UTS2B: variants seen among roughly 807,000 people sequenced by gnomAD.
UTS2B encodes urotensin-2B.
UTS2B carries 21 observed loss-of-function variants against 19.2 expected under a neutral mutation model. The ratio of observed to expected loss-of-function variants is 1.09; its 90% CI spans 0.78 to 1.58. UTS2B has a LOEUF of 1.58. Ranked by LOEUF, UTS2B falls within the 40% of genes most tolerant of loss-of-function variation. UTS2B has a pLI of 0.00. For missense variants in UTS2B, 138 were observed against 130.3 expected (o/e 1.06, Z -0.29); for synonymous variants, 57 against 50.2 (o/e 1.14, Z -0.58).
At chr3:191,275,417 A>G in intron 7 of UTS2B, 72 bp from the exon 8 acceptor site, 1 of 1,232,702 alleles carries the variant, frequency 8.1e-7, no homozygotes, top group South Asian at 1.2e-5. Flanking sequence ...GCGGTGGCTT[A>G]TGCCTGTAAT....
rs138789851 is a variant in UTS2B at position 191,309,056 on chromosome 3, G to A, written c.-181-4508C>T. The stretch of plus-strand genomic sequence containing the variant: ...ATAGCATACCAAATGCCAGTAGGTG[G>A]GTTAATGTGCTTCAGTAACAATAAC... On this transcript the variant is annotated intron_variant, in intron 3 of 8. Coordinates refer to ENST00000340524, the MANE Select transcript of UTS2B (RefSeq NM_198152.5). 2.0e-5 allele frequency among the ~76,000 whole-genome samples: 3 copies of A among 152,292 alleles called. No homozygotes were observed. The East Asian group carries it at 5.8e-4, about 29-fold the overall frequency.
intron 5 of UTS2B, among the ~76,000 whole-genome samples, chr3:191,280,716 C>T (rs762624208): frequency 6.6e-6 from 1 of 152,134 alleles, no homozygotes; most frequent in Non-Finnish European, 1.5e-5. Flanking sequence ...GATTTAGAGG[C>T]AGATTTTTCT....
At chr3:191,335,482 A>AAT (rs1711504443), upstream of UTS2B, among the ~76,000 whole-genome samples, 1 of 152,196 alleles carries the variant, frequency 6.6e-6, no homozygotes, top group Admixed American at 6.5e-5. Flanking sequence ...TTTGGGGATT[A>AAT]CTTGGATGTT....
intron 4 of UTS2B, among the ~76,000 whole-genome samples, chr3:191,291,227 A>T (rs1716704248): frequency 6.6e-6 from 1 of 152,160 alleles, no homozygotes; most frequent in African/African-American, 2.4e-5. Flanking sequence ...CAGATACATA[A>T]TTTGAAAACA....
At chr3:191,318,143 T>A (rs9873624) in intron 2 of UTS2B, among the ~76,000 whole-genome samples, 2 of 152,226 alleles carry the variant, frequency 1.3e-5, no homozygotes, top group East Asian at 1.9e-4. Context: ...TTTAAAGCAA[T>A]AATCTGTGAC....
intron 3 of UTS2B, among the ~76,000 whole-genome samples, chr3:191,312,129 G>A (rs977239823): frequency 2.2e-4 from 33 of 150,490 alleles, no homozygotes; most frequent in African/African-American, 7.8e-4. Flanking sequence ...TCCAGCGTGG[G>A]TGACAGAGCA....
chr3:191,302,410 C>T (rs564466977), intron 4 of UTS2B, among the ~76,000 whole-genome samples: 2 of 152,310 alleles, frequency 1.3e-5, no homozygotes, highest in Non-Finnish European at 2.9e-5. Context: ...CAGCAGCCCT[C>T]AGGGCTGCTC....
chr3:191,293,876 G>A (rs1403565219), intron 4 of UTS2B, among the ~76,000 whole-genome samples: 1 of 151,716 alleles, frequency 6.6e-6, no homozygotes, highest in Admixed American at 6.6e-5. Flanking sequence ...GGGTGGGGGA[G>A]TCGGGGCGGA....
In UTS2B at chr3:191,276,802, C is replaced by T. The variant is rs1209889825; in HGVS notation, c.240+5G>A. On this transcript the variant is annotated splice_donor_5th_base_variant and intron_variant, in intron 7 of 8. Transcript: ENST00000340524. ...ACTGCTCATTTAAGTATTTCACATT[C>T]TCACCTGGTTAAGTTCTTCCAGTTT... 2.5e-6 allele frequency: 4 copies of T among 1,610,746 alleles called. No individual in the cohort carries two copies. Among genetic ancestry groups the T allele is most frequent in the Non-Finnish European group, 3.4e-6 (4 of 1,178,632 alleles).
intron 4 of UTS2B, among the ~76,000 whole-genome samples, chr3:191,296,922 C>CT (rs1275009876): frequency 6.6e-6 from 1 of 152,158 alleles, no homozygotes; most frequent in Non-Finnish European, 1.5e-5. Flanking sequence ...TCAAACATGA[C>CT]TGTGGTTATT....
chr3:191,275,414 C>T, intron 7 of UTS2B, 69 bp from the exon 8 acceptor site: 2 of 1,280,114 alleles, frequency 1.6e-6, no homozygotes, highest in East Asian at 2.3e-5. Flanking sequence ...GGCGCGGTGG[C>T]TTATGCCTGT....
At chr3:191,269,686 T>C (rs1465459539) in intron 8 of UTS2B, among the ~76,000 whole-genome samples, 2 of 152,158 alleles carry the variant, frequency 1.3e-5, no homozygotes, top group Non-Finnish European at 2.9e-5. Flanking sequence ...CTTTTTATAG[T>C]ATGCTTTGGA....
At chr3:191,312,313 G>C (rs760010763) in intron 3 of UTS2B, among the ~76,000 whole-genome samples, 2 of 152,140 alleles carry the variant, frequency 1.3e-5, no homozygotes, top group Non-Finnish European at 2.9e-5. Context: ...TGTGGAATGA[G>C]AGTCAAGGAT....
chr3:191,275,308 T>A lies in UTS2B; in HGVS notation c.278A>T (p.Asp93Val). 2 of 1,613,832 alleles carry A rather than the reference T, an allele frequency of 1.2e-6. No homozygotes were observed. The highest frequency in any genetic ancestry group is 1.7e-6 in the Non-Finnish European group (2 of 1,179,792). ...ATCTACAGCATAGGACGTCTCAGAA[T>A]CCTTCTCCTCCACTAGCTGTTCTTT... is the stretch of plus-strand genomic sequence containing the variant. ...KLKEQLVEEK[D>V]SETSYAVDGL... The change falls in exon 8 of 9, where the codon GAT becomes GTT. Residue 93 changes from aspartate (D) to valine (V), a missense_variant. Coordinates refer to ENST00000340524, the MANE Select transcript of UTS2B (RefSeq NM_198152.5).
At position 191,318,768 on chromosome 3, in the gene UTS2B, G is replaced by T. The variant is rs116503495; in HGVS notation, c.-585-2329C>A. Among the ~76,000 whole-genome samples the T allele has an allele frequency of 5.9e-3, 894 of 152,272 alleles. 8 individuals carry two copies. The highest frequency in any genetic ancestry group is 0.02 in the African/African-American group (826 of 41,540). ...TGACAGGTGTGAGCTGCTGTGCCTG[G>T]CTGAAGATCTTTTAATTAAGATTTC... On this transcript the variant is annotated intron_variant, in intron 2 of 8. Transcript: ENST00000340524.
intron 8 of UTS2B, 66 bp from the exon 9 acceptor site, chr3:191,268,507 A>G: frequency 8.3e-7 from 1 of 1,198,686 alleles, no homozygotes; most frequent in Non-Finnish European, 1.2e-6. Flanking sequence ...TCTTGAATCA[A>G]TAGCTTATGT....
intron 3 of UTS2B, among the ~76,000 whole-genome samples, chr3:191,309,964 CT>C (rs1386834527): frequency 6.7e-6 from 1 of 150,130 alleles, no homozygotes; most frequent in South Asian, 2.1e-4. Flanking sequence ...TCCTTTCTTT[CT>C]TTTTTTTCTT....
At chr3:191,286,164 C>A (rs1434979562) in intron 4 of UTS2B, among the ~76,000 whole-genome samples, 1 of 152,014 alleles carries the variant, frequency 6.6e-6, no homozygotes, top group Non-Finnish European at 1.5e-5. Flanking sequence ...GAGAGATCAG[C>A]TATAATACAG....
At chr3:191,268,529 C>G (rs547520386) in intron 8 of UTS2B, 88 bp from the exon 9 acceptor site, 1 of 910,928 alleles carries the variant, frequency 1.1e-6, no homozygotes, top group Admixed American at 2.8e-5. Flanking sequence ...TGCCTGAATG[C>G]GAGAGTTAAG....
Sources: allele counts gnomAD v4.1 joint callset (sites outside exome capture counted in the v4.1 genomes callset), GRCh38; gene constraint gnomAD v4.1.1; transcripts MANE v1.5; gene names NCBI Gene and HGNC (gene_info 2026-07-23, HGNC 2026-07-21).